PRORP: variants seen among roughly 807,000 people sequenced by gnomAD.
PRORP encodes the protein protein only RNase P catalytic subunit.
A neutral mutation model predicts 59.4 loss-of-function variants in PRORP; 51 were observed. The observed-to-expected ratio is 0.86, with a 90% CI of 0.69 to 1.08. The LOEUF (loss-of-function observed/expected upper bound fraction) is 1.08, where lower values mean the gene tolerates loss of function less well. Among genes scored for constraint, PRORP ranks in the 50% least tolerant of loss-of-function variants. The pLI is 0.00. For synonymous variants in PRORP, 231 were observed against 245.6 expected (o/e 0.94, Z 0.55); for missense variants, 646 against 690.3 (o/e 0.94, Z 0.72).
At chr14:35,249,669 C>T (rs189840105) in intron 5 of PRORP, among the ~76,000 whole-genome samples, 44 of 152,224 alleles carry the variant, frequency 2.9e-4, no homozygotes, top group South Asian at 6.2e-4. Context: ...TGGCTTTAGT[C>T]TCCCAAACAA....
chr14:35,177,800 T>G (rs2048492579), intron 4 of PRORP, among the ~76,000 whole-genome samples: 1 of 152,104 alleles, frequency 6.6e-6, no homozygotes, highest in African/African-American at 2.4e-5. Flanking sequence ...TTGAATGTGT[T>G]TGCTCTTGCT....
At chr14:35,160,786 T>A (rs989035335) in intron 4 of PRORP, among the ~76,000 whole-genome samples, 1 of 152,204 alleles carries the variant, frequency 6.6e-6, no homozygotes, top group Non-Finnish European at 1.5e-5. Flanking sequence ...TGAGGATAGA[T>A]CAGAAGACAT....
rs1054159771 is a variant in PRORP, at chr14:35,185,952, G to GT, written c.1275+5182dup. Among the ~76,000 whole-genome samples, 5 of 152,024 alleles carry GT rather than the reference G, an allele frequency of 3.3e-5. No individual in the cohort carries two copies. The South Asian group carries it at 6.2e-4, about 19-fold the overall frequency. On this transcript the variant is annotated intron_variant, in intron 5 of 7. Coordinates refer to ENST00000534898, the MANE Select transcript of PRORP (RefSeq NM_014672.4). ...ACTGAAATAGTATACTTTTTTGTTT[G>GT]TTTTTTTGCTTAAAAGTTATTTATT...
At chr14:35,268,649 A>G (rs1000778041) in intron 6 of PRORP, among the ~76,000 whole-genome samples, 1 of 152,172 alleles carries the variant, frequency 6.6e-6, no homozygotes, top group Admixed American at 6.5e-5. Flanking sequence ...AGGCTGGAGT[A>G]CAGTGGCACA....
intron 5 of PRORP, among the ~76,000 whole-genome samples, chr14:35,181,733 C>T (rs1425775613): frequency 3.0e-5 from 4 of 135,216 alleles, no homozygotes; most frequent in African/African-American, 1.1e-4. Flanking sequence ...TGCAGTGAGC[C>T]GAGGTCGTGC....
At chr14:35,196,598 T>C (rs1300793117) in intron 5 of PRORP, among the ~76,000 whole-genome samples, 1 of 152,178 alleles carries the variant, frequency 6.6e-6, no homozygotes, top group Non-Finnish European at 1.5e-5. Context: ...ATAAGTGACT[T>C]GAGGAAACAA....
rs902910381 is a variant in PRORP at position 35,126,660 on chromosome 14, C to G, written c.987-75C>G. 4 of 1,165,528 alleles carry G rather than the reference C, an allele frequency of 3.4e-6. No individual in the cohort carries two copies. The Admixed American group carries it at 6.8e-5, about 20-fold the overall frequency. The allele number at this position is 1,165,528 out of a possible 1,614,324, so 72.2% of individuals were successfully genotyped here. ...TCGGACTTCTTGCTTATAAGAGTTT[C>G]CAAATACCATGAATATCTTTCATTT... On this transcript the variant is annotated intron_variant, in intron 2 of 7. Coordinates refer to ENST00000534898, the MANE Select transcript of PRORP (RefSeq NM_014672.4).
chr14:35,207,639 C>G lies in PRORP; in HGVS notation c.1275+26862C>G, dbSNP rs193128544. Among the ~76,000 whole-genome samples the G allele has an allele frequency of 1.3e-3, 196 of 152,292 alleles. 7 individuals carry two copies. In the South Asian group the frequency reaches 0.04, roughly 31 times the overall value. ...AGTGAACGCTTAACACAGCTGTCTC[C>G]TTAGATTCTACCATTAACATTCTAT... is the stretch of plus-strand genomic sequence containing the variant. On this transcript the variant is annotated intron_variant, in intron 5 of 7. Transcript: ENST00000534898.
At chr14:35,224,461 A>C (rs140533263) in intron 5 of PRORP, among the ~76,000 whole-genome samples, 2 of 152,174 alleles carry the variant, frequency 1.3e-5, no homozygotes, top group Non-Finnish European at 2.9e-5. Flanking sequence ...CATTTTACTA[A>C]TGGATGAGGA....
intron 4 of PRORP, among the ~76,000 whole-genome samples, chr14:35,159,904 T>C (rs1033416247): frequency 5.9e-5 from 9 of 152,216 alleles, no homozygotes; most frequent in African/African-American, 2.2e-4. Context: ...GTGTATGTTT[T>C]CTGAGGATGG....
At chr14:35,248,827 A>G (rs755608056) in intron 5 of PRORP, among the ~76,000 whole-genome samples, 15 of 152,238 alleles carry the variant, frequency 9.9e-5, no homozygotes, top group Non-Finnish European at 2.2e-4. Flanking sequence ...AAACAAGAGG[A>G]ACGAAGACAA....
At chr14:35,136,996 T>G (rs2047390664) in intron 4 of PRORP, among the ~76,000 whole-genome samples, 1 of 145,712 alleles carries the variant, frequency 6.9e-6, no homozygotes, top group Non-Finnish European at 1.5e-5. Flanking sequence ...ACTAGAGATT[T>G]GTTAAGGTGT....
intron 5 of PRORP, among the ~76,000 whole-genome samples, chr14:35,250,874 A>G (rs554057134): frequency 6.7e-6 from 1 of 150,046 alleles, no homozygotes; most frequent in Non-Finnish European, 1.5e-5. Flanking sequence ...TTCGTTTTTT[A>G]AAATTTTTTA....
At chr14:35,161,414 A>G (rs2048057140) in intron 4 of PRORP, among the ~76,000 whole-genome samples, 1 of 152,176 alleles carries the variant, frequency 6.6e-6, no homozygotes, top group South Asian at 2.1e-4. Flanking sequence ...GAAGTTAGAC[A>G]CTGTGTTGGC....
Position 35,141,948 on chromosome 14 carries a change from G to A in PRORP, c.1167+14337G>A, listed in dbSNP as rs759509381. On this transcript the variant is annotated intron_variant, in intron 4 of 7. Transcript: ENST00000534898. ...GGCTGGAGTGCAATGGCACGATTTC[G>A]GCTCACTGCAACCTCTGCCTCCTGG... is the stretch of plus-strand genomic sequence containing the variant. 7.6e-5 allele frequency among the ~76,000 whole-genome samples: 11 copies of A among 144,476 alleles called. 1 individual carries two copies. Among genetic ancestry groups the A allele is most frequent in the African/African-American group, 2.2e-4 (9 of 40,830 alleles). The allele number at this position is 144,476 out of a possible 152,430, so 94.8% of individuals were successfully genotyped here.
chr14:35,131,867 C>A (rs1057086220), intron 4 of PRORP, among the ~76,000 whole-genome samples: 2 of 146,298 alleles, frequency 1.4e-5, no homozygotes, highest in Admixed American at 1.4e-4. Flanking sequence ...GAGAAGAAAT[C>A]TCACTCTTGT....
intron 5 of PRORP, among the ~76,000 whole-genome samples, chr14:35,207,401 A>G (rs1486663984): frequency 2.0e-5 from 3 of 152,234 alleles, no homozygotes; most frequent in Non-Finnish European, 4.4e-5. Flanking sequence ...CAATATTACT[A>G]CAAATACATT....
intron 4 of PRORP, among the ~76,000 whole-genome samples, chr14:35,135,792 T>G (rs758385429): frequency 2.4e-4 from 36 of 151,944 alleles, no homozygotes; most frequent in Non-Finnish European, 4.7e-4. Context: ...ACCCCGTCTC[T>G]ACTAAAAATA....
In PRORP at chr14:35,266,846, G is replaced by GC; in HGVS notation, c.1396dup (p.Gln466ProfsTer8). On this transcript the variant is annotated frameshift_variant, in exon 6 of 8. Transcript: ENST00000534898. LOFTEE classifies it high-confidence loss of function. The stretch of plus-strand genomic sequence containing the variant: ...GGGATGAGATGGAAGAGGTGCAAAA[G>GC]CAAGCCAGCTGTTTTTTTGCTGATG... The GC allele has an allele frequency of 6.2e-7, 1 of 1,614,220 alleles. No homozygotes were observed. The highest frequency in any genetic ancestry group is 8.5e-7 in the Non-Finnish European group (1 of 1,180,034).
Sources: gnomAD v4.1 joint callset for allele counts (sites outside exome capture counted in the v4.1 genomes callset) on GRCh38, gnomAD v4.1.1 for gene constraint, MANE v1.5 for transcripts, NCBI Gene and HGNC (gene_info 2026-07-23, HGNC 2026-07-21) for gene names.